Variants in COL5A2 observed in about 807,000 individuals in gnomAD.
COL5A2 encodes collagen alpha-2(V) chain.
Under a neutral mutation model 208.2 loss-of-function variants are expected in COL5A2, and 23 were observed. The ratio of observed to expected loss-of-function variants is 0.11; its 90% confidence interval spans 0.08 to 0.16. The LOEUF (loss-of-function observed/expected upper bound fraction) is 0.16, where lower values mean the gene tolerates loss of function less well. COL5A2 is among the 10% of genes least tolerant of loss of function. The probability of loss-of-function intolerance (pLI) is 1.00; values close to 1 mark genes in which losing one functional copy is unlikely to be tolerated. For synonymous variants in COL5A2, 625 were observed against 628.5 expected (o/e 0.99, Z 0.08); for missense variants, 1,590 against 1,956.4 (o/e 0.81, Z 3.53).
chr2:189,405,020 G>T, the COL5A2 span, among the ~76,000 whole-genome samples: 12 of 152,058 alleles, frequency 7.9e-5, no homozygotes, highest in Admixed American at 7.2e-4. Context: ...CCTACAAAAT[G>T]ATAATTGTAC....
At chr2:189,052,657 G>T in intron 40 of COL5A2, 92 bp downstream of exon 40, 1 of 1,212,490 alleles carries the variant, frequency 8.2e-7, no homozygotes, top group Admixed American at 1.8e-5. Context: ...TGTTATTTCA[G>T]TCTCAGATGA....
chr2:189,244,809 A>T, the COL5A2 span, among the ~76,000 whole-genome samples: 4 of 152,142 alleles, frequency 2.6e-5, no homozygotes, highest in Admixed American at 2.0e-4. Flanking sequence ...TTGCTGTATT[A>T]GTCCATTTTC....
chr2:189,348,331 G>A, the COL5A2 span, among the ~76,000 whole-genome samples: 1 of 152,086 alleles, frequency 6.6e-6, no homozygotes, highest in Non-Finnish European at 1.5e-5. Flanking sequence ...AGAAAATCAT[G>A]AGTTAATTTA....
chr2:189,260,188 A>G, the COL5A2 span, among the ~76,000 whole-genome samples: 2 of 152,216 alleles, frequency 1.3e-5, no homozygotes, highest in African/African-American at 4.8e-5. Flanking sequence ...CTTTCAGAAA[A>G]AAAATGCAAA....
In COL5A2 at chr2:189,130,315, G is replaced by GA. The variant is rs1428219144; in HGVS notation, c.98-19867dup. Among the ~76,000 whole-genome samples, 4 of 152,010 alleles carry GA rather than the reference G, an allele frequency of 2.6e-5. No homozygotes were observed. In the East Asian group the frequency reaches 7.7e-4, roughly 29 times the overall value. ...GGTGAGTCTATGAAATAGACTTCTA[G>GA]AAGTAAGTGTCAGGATTTGAGTTTT... is the stretch of plus-strand genomic sequence containing the variant. On this transcript the variant is annotated intron_variant, in intron 1 of 53. Transcript: ENST00000374866.
chr2:189,039,046 T>C (rs191009262), intron 51 of COL5A2, among the ~76,000 whole-genome samples: 1 of 152,316 alleles, frequency 6.6e-6, no homozygotes, highest in African/African-American at 2.4e-5. Flanking sequence ...TATCTCACTA[T>C]GGCTTTGATT....
rs545030513 is a variant in COL5A2, at chr2:189,065,123, G to A, written c.1564-66C>T. ...TTTTTGCAATATGTAATGAATAGGT[G>A]ATTTTTATTTTTAGCACTATAAAGT... On this transcript the variant is annotated intron_variant, in intron 23 of 53. Coordinates refer to ENST00000374866, the MANE Select transcript of COL5A2 (RefSeq NM_000393.5). The A allele has an allele frequency of 4.9e-6, 7 of 1,434,198 alleles. No individual in the cohort carries two copies. The Admixed American group carries it at 7.3e-5, about 15-fold the overall frequency. The allele number at this position is 1,434,198 out of a possible 1,614,324, so 88.8% of individuals were successfully genotyped here. A position where few individuals can be genotyped will look rare whatever the true frequency, so the allele number is the denominator to read the frequency against.
At chr2:189,322,147 A>G in the COL5A2 span, among the ~76,000 whole-genome samples, 56 of 152,358 alleles carry the variant, frequency 3.7e-4, 1 homozygote, top group African/African-American at 1.3e-3. Flanking sequence ...AAGACACAAC[A>G]TACCAGAATC....
the COL5A2 span, among the ~76,000 whole-genome samples, chr2:189,376,110 T>C: frequency 1.3e-5 from 2 of 152,246 alleles, no homozygotes; most frequent in Admixed American, 6.5e-5. Flanking sequence ...GGCTCTGTTA[T>C]TGAATACTTG....
the COL5A2 span, among the ~76,000 whole-genome samples, chr2:189,438,486 T>A: frequency 2.0e-5 from 3 of 152,288 alleles, no homozygotes; most frequent in South Asian, 6.2e-4. Context: ...AACTGTGAAA[T>A]AGCCATACAA....
chr2:189,387,793 A>G, the COL5A2 span, among the ~76,000 whole-genome samples: 1 of 152,178 alleles, frequency 6.6e-6, no homozygotes, highest in Admixed American at 6.5e-5. Flanking sequence ...GAGGGACAGT[A>G]TTCTCAAAGT....
In COL5A2 at chr2:189,042,583, C is replaced by T. The variant is rs797008059; in HGVS notation, c.3525+137G>A. 4.5e-5 allele frequency: 34 copies of T among 763,582 alleles called. No individual in the cohort carries two copies. In the African/African-American group the frequency reaches 4.5e-4, roughly 10 times the overall value. The allele number at this position is 763,582 out of a possible 1,614,324, so 47.3% of individuals were successfully genotyped here. On this transcript the variant is annotated intron_variant, in intron 49 of 53. Transcript: ENST00000374866. ...AAATTAATTGCTAAATAGCTTGTCT[C>T]ATATGTGTGTTGCCAACCTCAGAGA...
chr2:189,126,958 C>T (rs140687666), intron 1 of COL5A2, among the ~76,000 whole-genome samples: 278 of 152,084 alleles, frequency 1.8e-3, no homozygotes, highest in African/African-American at 6.1e-3. Context: ...GTAGCTATAT[C>T]CTAATTAGGA....
At chr2:189,289,235 A>G in the COL5A2 span, among the ~76,000 whole-genome samples, 5,881 of 151,996 alleles carry the variant, frequency 0.039, 127 homozygotes, top group Admixed American at 0.052. Context: ...CCAGCTACTC[A>G]GGAGGCTGAG....
At chr2:189,133,087 A>T (rs1350731758) in intron 1 of COL5A2, 1 of 149,192 alleles carries the variant, frequency 6.7e-6, no homozygotes, top group Non-Finnish European at 1.5e-5. Context: ...CAGGCAAACC[A>T]ATCTCTACAC....
chr2:189,137,465 G>A (rs1184651709), intron 1 of COL5A2, among the ~76,000 whole-genome samples: 1 of 152,202 alleles, frequency 6.6e-6, no homozygotes, highest in Non-Finnish European at 1.5e-5. Context: ...AATTTGGTGA[G>A]CTGGGTTGAT....
In COL5A2 at chr2:189,063,207, C is replaced by T. The variant is rs1428026630; in HGVS notation, c.1834G>A (p.Gly612Arg). 2 of 1,614,194 alleles carry T rather than the reference C, an allele frequency of 1.2e-6. No homozygotes were observed. The highest frequency in any genetic ancestry group is 1.7e-5 in the Admixed American group (1 of 60,024). The change falls in exon 27 of 54, where the codon GGG becomes AGG. Residue 612 changes from glycine (G) to arginine (R), a missense_variant. By Grantham distance (125) the Gly-to-Arg change is moderately radical. Coordinates refer to ENST00000374866, the MANE Select transcript of COL5A2 (RefSeq NM_000393.5). ...PGSIGIRGQP[G>R]SMGLPGPKGS... ...TTGGGGCCTGGAAGGCCCATGCTCC[C>T]GGGCTGCCCTCTGATTCCTATGGAG...
chr2:189,328,559 C>T, the COL5A2 span, among the ~76,000 whole-genome samples: 1 of 152,204 alleles, frequency 6.6e-6, no homozygotes, highest in African/African-American at 2.4e-5. Context: ...TAAATAGATA[C>T]AGGTTCCTCC....
chr2:189,298,770 T>C, the COL5A2 span, among the ~76,000 whole-genome samples: 31 of 152,262 alleles, frequency 2.0e-4, no homozygotes, highest in East Asian at 4.2e-3. Context: ...AAGAAAAGAA[T>C]CTCCATTTCT....
Sources: allele counts gnomAD v4.1 joint callset (sites outside exome capture counted in the v4.1 genomes callset), GRCh38; gene constraint gnomAD v4.1.1; transcripts MANE v1.5; gene names NCBI Gene and HGNC (gene_info 2026-07-23, HGNC 2026-07-21).